The following TMEFF2 variants were observed in gnomAD, a reference collection of about 807,000 sequenced individuals.
TMEFF2 encodes tomoregulin-2.
Under a neutral mutation model 53.8 loss-of-function variants are expected in TMEFF2, and 28 were observed. The ratio of observed to expected loss-of-function variants is 0.52; its 90% confidence interval spans 0.39 to 0.71. The LOEUF (loss-of-function observed/expected upper bound fraction) is 0.71. Among genes scored for constraint, TMEFF2 ranks in the 30% least tolerant of loss-of-function variants. The pLI, the probability that TMEFF2 is intolerant of heterozygous loss-of-function variation, is 0.00. For synonymous variants in TMEFF2, 162 were observed against 166.3 expected (o/e 0.97, Z 0.20); for missense variants, 353 against 455.2 (o/e 0.78, Z 2.04).
intron 5 of TMEFF2, among the ~76,000 whole-genome samples, chr2:192,000,284 A>G (rs552940927): frequency 6.6e-6 from 1 of 152,226 alleles, no homozygotes; most frequent in Non-Finnish European, 1.5e-5. Flanking sequence ...TATTTTACTG[A>G]GAGCTAGGCA....
rs773460450 is a variant in TMEFF2 at position 191,953,562 on chromosome 2, CAT to C, written c.1028+115_1028+116del. On this transcript the variant is annotated intron_variant, in intron 9 of 9. Coordinates refer to ENST00000272771, the MANE Select transcript of TMEFF2 (RefSeq NM_016192.4). Reference sequence around the variant, plus strand: ...ACTCTTATGCTAAGGACATAGGACTCATAGAGAATGGATGGCTGCAGAGTCCA... The same window carrying C: ...ACTCTTATGCTAAGGACATAGGACTCAGAGAATGGATGGCTGCAGAGTCCA... 8.9e-6 allele frequency: 10 copies of C among 1,121,778 alleles called. No individual in the cohort carries two copies. The South Asian group carries it at 9.6e-5, about 11-fold the overall frequency. The allele number at this position is 1,121,778 out of a possible 1,614,324, so 69.5% of individuals were successfully genotyped here. A position where few individuals can be genotyped will look rare whatever the true frequency, so the allele number is the denominator to read the frequency against.
chr2:191,995,172 G>A (rs1435525743), intron 7 of TMEFF2, among the ~76,000 whole-genome samples: 2 of 151,838 alleles, frequency 1.3e-5, no homozygotes, highest in Non-Finnish European at 2.9e-5. Context: ...GATCCTTGCT[G>A]GGATCTCTTT....
intron 4 of TMEFF2, among the ~76,000 whole-genome samples, chr2:192,155,110 T>C (rs1655066118): frequency 6.6e-6 from 1 of 151,988 alleles, no homozygotes; most frequent in African/African-American, 2.4e-5. Context: ...TGTTGTACTA[T>C]ACAATTTTCT....
At chr2:191,983,923 T>C (rs112495948) in intron 7 of TMEFF2, among the ~76,000 whole-genome samples, 24 of 152,338 alleles carry the variant, frequency 1.6e-4, no homozygotes, top group African/African-American at 5.8e-4. Context: ...AAGAATAATA[T>C]TGTTTGTTCA....
intron 7 of TMEFF2, among the ~76,000 whole-genome samples, chr2:191,985,877 G>A (rs1685963403): frequency 7.2e-5 from 11 of 152,126 alleles, no homozygotes; most frequent in Admixed American, 7.2e-4. Context: ...GTCTATTCCT[G>A]TTCCAAGGAG....
intron 4 of TMEFF2, among the ~76,000 whole-genome samples, chr2:192,074,557 C>G (rs1688363829): frequency 6.6e-6 from 1 of 151,754 alleles, no homozygotes; most frequent in African/African-American, 2.4e-5. Context: ...ATCAAATGTT[C>G]TAGGTTTGTA....
intron 3 of TMEFF2, among the ~76,000 whole-genome samples, chr2:192,183,507 T>C (rs1448957863): frequency 6.6e-6 from 1 of 152,096 alleles, no homozygotes; most frequent in Non-Finnish European, 1.5e-5. Flanking sequence ...TTCCTGAATA[T>C]GCTTATATCA....
intron 5 of TMEFF2, among the ~76,000 whole-genome samples, chr2:192,034,215 T>C (rs1294198305): frequency 1.3e-5 from 2 of 151,980 alleles, no homozygotes; most frequent in African/African-American, 4.8e-5. Flanking sequence ...TAAATATGAT[T>C]TTGAGTATCA....
intron 4 of TMEFF2, among the ~76,000 whole-genome samples, chr2:192,145,947 T>C (rs1052244573): frequency 6.6e-6 from 1 of 152,004 alleles, no homozygotes; most frequent in African/African-American, 2.4e-5. Flanking sequence ...GAAAAGCAAC[T>C]TAATTGCTTC....
intron 5 of TMEFF2, among the ~76,000 whole-genome samples, chr2:192,018,069 G>A (rs1686781450): frequency 6.6e-6 from 1 of 152,190 alleles, no homozygotes; most frequent in African/African-American, 2.4e-5. Flanking sequence ...TGTTGATGGA[G>A]TCACAGCAAG....
chr2:192,111,732 GC>G (rs1344835192), intron 4 of TMEFF2, among the ~76,000 whole-genome samples: 1 of 152,164 alleles, frequency 6.6e-6, no homozygotes, highest in East Asian at 1.9e-4. Context: ...CCCTCTCATT[GC>G]AGGCCCATAG....
chr2:191,972,636 G>A (rs1692682088), intron 7 of TMEFF2, among the ~76,000 whole-genome samples: 1 of 152,068 alleles, frequency 6.6e-6, no homozygotes, highest in Non-Finnish European at 1.5e-5. Flanking sequence ...AGCAATGGAA[G>A]AAGGGAAAAA....
intron 5 of TMEFF2, among the ~76,000 whole-genome samples, chr2:192,022,451 T>TA (rs1448055961): frequency 2.6e-5 from 4 of 152,218 alleles, no homozygotes; most frequent in African/African-American, 9.6e-5. Context: ...GGCAACCCCC[T>TA]ACCATGTTCT....
intron 4 of TMEFF2, among the ~76,000 whole-genome samples, chr2:192,065,333 T>A (rs1156706468): frequency 6.6e-6 from 1 of 151,842 alleles, no homozygotes; most frequent in East Asian, 1.9e-4. Context: ...AAATGCAGTA[T>A]AAATGTGCAT....
intron 4 of TMEFF2, among the ~76,000 whole-genome samples, chr2:192,069,974 G>GTA (rs1688249654): frequency 1.2e-4 from 1 of 8,580 alleles, no homozygotes; most frequent in Non-Finnish European, 2.4e-4. Context: ...ATGTGTGTGT[G>GTA]TGTGTGTGTG....
intron 5 of TMEFF2, chr2:192,044,209 T>C (rs1234844201): frequency 6.6e-6 from 1 of 152,190 alleles, no homozygotes; most frequent in African/African-American, 2.4e-5. Context: ...TTATCACCTT[T>C]CCCTTCCAAA....
intron 4 of TMEFF2, among the ~76,000 whole-genome samples, chr2:192,132,562 G>C (rs957726904): frequency 7.4e-5 from 11 of 148,382 alleles, no homozygotes; most frequent in Middle Eastern, 3.2e-3. Flanking sequence ...GTACAATAAT[G>C]AAAAAAAAAA....
At chr2:191,992,361 C>T (rs191628063) in intron 7 of TMEFF2, among the ~76,000 whole-genome samples, 37 of 152,050 alleles carry the variant, frequency 2.4e-4, no homozygotes, top group Non-Finnish European at 4.7e-4. Context: ...TGAATTAATT[C>T]ATTTTATAAA....
At chr2:192,164,295 T>G (rs910517682) in intron 4 of TMEFF2, among the ~76,000 whole-genome samples, 1 of 152,178 alleles carries the variant, frequency 6.6e-6, no homozygotes. Flanking sequence ...GGCATTGGCC[T>G]GTGCTCTTCC....
Sources: allele counts gnomAD v4.1 joint callset (sites outside exome capture counted in the v4.1 genomes callset), GRCh38; gene constraint gnomAD v4.1.1; transcripts MANE v1.5; gene names NCBI Gene and HGNC (gene_info 2026-07-23, HGNC 2026-07-21).